The following NBPF12 variants were observed in gnomAD, a reference collection of about 807,000 sequenced individuals.
NBPF12 encodes NBPF family member NBPF12.
A neutral mutation model predicts 146.4 loss-of-function variants in NBPF12; 115 were observed. That is an observed-to-expected ratio of 0.79 (90% CI 0.68 to 0.92). The LOEUF is 0.92. NBPF12 is among the 40% of genes least tolerant of loss of function. The probability of loss-of-function intolerance (pLI) is 0.00; values close to 1 mark genes in which losing one functional copy is unlikely to be tolerated. For missense variants in NBPF12, 1,205 were observed against 1,326.8 expected, an observed-to-expected ratio of 0.91 and a Z score of 1.43; for synonymous variants, 385 against 508.9, an observed-to-expected ratio of 0.76 and a Z score of 3.28.
chr1:146,947,822 G>A (rs1281897269), upstream of NBPF12, among the ~76,000 whole-genome samples: 2 of 151,804 alleles, frequency 1.3e-5, no homozygotes, highest in Non-Finnish European at 1.5e-5. Flanking sequence ...GTTTTTGGGG[G>A]AACATAATAG....
At position 146,966,679 on chromosome 1, in the gene NBPF12, A is replaced by T. The variant is rs1656233153; in HGVS notation, c.988+6A>T. The T allele has an allele frequency of 7.7e-7, 1 of 1,291,814 alleles. No homozygotes were observed. Among genetic ancestry groups the T allele is most frequent in the Non-Finnish European group, 1.1e-6 (1 of 888,482 alleles). The allele number at this position is 1,291,814 out of a possible 1,614,324, so 80.0% of individuals were successfully genotyped here. A position where few individuals can be genotyped will look rare whatever the true frequency, so the allele number is the denominator to read the frequency against. ...CAAGCAGCAGAACAAATACAGTAAG[A>T]TCTACAGGCTCACCATCACGAAAGT... On this transcript the variant is annotated splice_donor_region_variant and intron_variant, in intron 9 of 33. Transcript: ENST00000617844.
chr1:146,980,420 T>C (rs1193528731), intron 19 of NBPF12, among the ~76,000 whole-genome samples: 1 of 152,102 alleles, frequency 6.6e-6, no homozygotes, highest in Non-Finnish European at 1.5e-5. Context: ...CAATGGTCTT[T>C]AGAGTTTGGC....
At chr1:146,994,604 T>A in exon 34 of NBPF12, 2 of 1,587,862 alleles carry the variant, frequency 1.3e-6, no homozygotes, top group African/African-American at 1.4e-5. Context: ...AGAGGTTTCA[T>A]TCCTGCAGGC....
intron 11 of NBPF12, among the ~76,000 whole-genome samples, chr1:146,970,267 C>T (rs1323919356): frequency 1.3e-5 from 2 of 150,016 alleles, no homozygotes; most frequent in African/African-American, 2.5e-5. Flanking sequence ...ACAAGTTTGT[C>T]CTCTCCTAAG....
At chr1:146,969,175 G>A (rs1204009442) in intron 10 of NBPF12, among the ~76,000 whole-genome samples, 2 of 151,378 alleles carry the variant, frequency 1.3e-5, no homozygotes, top group African/African-American at 4.9e-5. Flanking sequence ...CATCATCGAG[G>A]ATCTTGCAGG....
chr1:146,987,672 G>T (rs1185089294), intron 25 of NBPF12, among the ~76,000 whole-genome samples: 2 of 151,354 alleles, frequency 1.3e-5, no homozygotes, highest in African/African-American at 2.4e-5. Context: ...CACTGAGCTC[G>T]TTTTCTCTCT....
chr1:146,994,625 G>A lies in NBPF12; in HGVS notation c.*50G>A, dbSNP rs1279485345. 4.4e-6 allele frequency: 7 copies of A among 1,587,782 alleles called. No individual in the cohort carries two copies. In the Admixed American group the frequency reaches 1.1e-4, roughly 24 times the overall value. ...TTCATTCCTGCAGGCAGGACCTATA[G>A]GCACCTGAAGATTTGAATGAAACTA... On this transcript the variant is annotated 3_prime_UTR_variant, in exon 34 of 34. Coordinates refer to ENST00000617844, the Ensembl canonical transcript of NBPF12.
intron 1 of NBPF12, 50 bp downstream of exon 1, chr1:146,939,062 G>T (rs1411132883): frequency 1.3e-5 from 2 of 152,224 alleles, no homozygotes; most frequent in African/African-American, 4.8e-5. Flanking sequence ...GCGGCGCGCT[G>T]GGCCGCCGCA....
chr1:146,939,322 G>A lies in NBPF12; in HGVS notation c.-822+340G>A, dbSNP rs1378608183. Among the ~76,000 whole-genome samples, 20 of 152,124 alleles carry A rather than the reference G, an allele frequency of 1.3e-4. 1 individual carries two copies. The South Asian group carries it at 3.7e-3, about 28-fold the overall frequency. ...CACACTGACTTCGCACCCCACCCTCGAGGCCGTTCCTTCTGGGAACTTGGG... is the reference window on the plus strand; with the variant it reads ...CACACTGACTTCGCACCCCACCCTCAAGGCCGTTCCTTCTGGGAACTTGGG... On this transcript the variant is annotated intron_variant, in intron 1 of 35. Coordinates refer to the NBPF12 transcript ENST00000617931.
chr1:146,977,259 C>T lies in NBPF12; in HGVS notation c.2193-207C>T, dbSNP rs1364785446. 6.2e-5 allele frequency among the ~76,000 whole-genome samples: 9 copies of T among 145,640 alleles called. 1 individual carries two copies. Among genetic ancestry groups the T allele is most frequent in the African/African-American group, 2.4e-4 (9 of 37,892 alleles). On this transcript the variant is annotated intron_variant, in intron 17 of 33. Transcript: ENST00000617844. ...CCTATCTGTCCAGTGCAATGAACAG[C>T]AGCTGCTCTCTTCCTCTCTGGTTCC... is the stretch of plus-strand genomic sequence containing the variant.
chr1:146,946,222 C>A (rs1182441508), upstream of NBPF12, among the ~76,000 whole-genome samples: 2 of 151,218 alleles, frequency 1.3e-5, no homozygotes, highest in Admixed American at 1.3e-4. Flanking sequence ...CAAGTTTTGA[C>A]AATTATGATA....
rs1394820025 is a variant in NBPF12, at chr1:146,963,647, G to A, written c.493+338G>A. On this transcript the variant is annotated intron_variant, in intron 6 of 33. Coordinates refer to ENST00000617844, the Ensembl canonical transcript of NBPF12. ...GGCTAAGAATGAAGGTTCCCAGGCT[G>A]TCTTTTTGGCAATGTTCTTAGTGTC... 5.8e-3 allele frequency among the ~76,000 whole-genome samples: 886 copies of A among 151,978 alleles called. 14 individuals carry two copies. Among genetic ancestry groups the A allele is most frequent in the African/African-American group, 0.02 (839 of 41,346 alleles).
intron 5 of NBPF12, 150 bp from the exon 9 acceptor site, chr1:146,962,945 T>C (rs1455917551): frequency 2.8e-5 from 18 of 641,914 alleles, no homozygotes; most frequent in East Asian, 1.9e-4. Flanking sequence ...TTCTGTTCTT[T>C]CTCTTGGCCA....
In NBPF12 at chr1:146,973,074, A is replaced by T; in HGVS notation, c.1801+114A>T. On this transcript the variant is annotated intron_variant, in intron 14 of 33. Transcript: ENST00000617844. ...ATGTCATCCTCCCCATACTTCTAGGAAAACAGAAATGGGTATTTTAACATT... is the reference window on the plus strand; with the variant it reads ...ATGTCATCCTCCCCATACTTCTAGGTAAACAGAAATGGGTATTTTAACATT... The T allele has an allele frequency of 1.7e-5, 11 of 661,216 alleles. No individual in the cohort carries two copies. In the South Asian group the frequency reaches 1.9e-4, roughly 12 times the overall value. The allele number at this position is 661,216 out of a possible 1,614,324, so 41.0% of individuals were successfully genotyped here.
At chr1:146,994,138 CTCTG>C (rs1199014422) in intron 33 of NBPF12, among the ~76,000 whole-genome samples, 190 bp from the exon 37 acceptor site, 6 of 131,440 alleles carry the variant, frequency 4.6e-5, no homozygotes, top group South Asian at 2.7e-4. Flanking sequence ...GTCTCTCTCT[CTCTG>C]TCTTTCTCTT....
In NBPF12 at chr1:146,972,963, A is replaced by T. The variant is rs1289846320; in HGVS notation, c.1801+3A>T. ...GGCCAAGCAGCAGAACAAATACAGT[A>T]AGATCTATATGCTCACCATCATGAA... is the stretch of plus-strand genomic sequence containing the variant. On this transcript the variant is annotated splice_donor_region_variant and intron_variant, in intron 14 of 33. Coordinates refer to ENST00000617844, the Ensembl canonical transcript of NBPF12. 1.5e-5 allele frequency: 14 copies of T among 911,388 alleles called. 1 individual carries two copies. The highest frequency in any genetic ancestry group is 2.4e-5 in the Non-Finnish European group (13 of 540,104). The allele number at this position is 911,388 out of a possible 1,614,324, so 56.5% of individuals were successfully genotyped here.
At chr1:146,962,046 C>G (rs1221992045) in intron 4 of NBPF12, 115 bp from the exon 8 acceptor site, 3 of 854,004 alleles carry the variant, frequency 3.5e-6, no homozygotes, top group Non-Finnish European at 5.9e-6. Context: ...TGTCTAGACC[C>G]TGGTACTGGG....
chr1:146,971,340 G>T (rs1656597807), exon 13 of NBPF12: 1 of 1,611,884 alleles, frequency 6.2e-7, no homozygotes, highest in South Asian at 1.1e-5. Context: ...ATCTCTGGTT[G>T]TAGACAGAGA....
chr1:146,964,787 T>C, intron 7 of NBPF12, 106 bp from the exon 11 acceptor site: 1 of 1,587,236 alleles, frequency 6.3e-7, no homozygotes. Flanking sequence ...TTTTGCTTTC[T>C]GGGACCACTC....
Sources: gnomAD v4.1 joint callset for allele counts (sites outside exome capture counted in the v4.1 genomes callset) on GRCh38, gnomAD v4.1.1 for gene constraint, MANE v1.5 for transcripts, NCBI Gene and HGNC (gene_info 2026-07-23, HGNC 2026-07-21) for gene names.